SLC23A2: variants seen among roughly 807,000 people sequenced by gnomAD.
The protein encoded by SLC23A2 is solute carrier family 23 member 2, also known as Na(+)/L-ascorbic acid transporter 2.
SLC23A2 carries 36 observed loss-of-function variants against 73.3 expected under a neutral mutation model. That is an observed-to-expected ratio of 0.49 (90% CI 0.38 to 0.65). The LOEUF (loss-of-function observed/expected upper bound fraction) is 0.65. Among genes scored for constraint, SLC23A2 ranks in the 30% least tolerant of loss-of-function variants. The probability of loss-of-function intolerance (pLI) is 0.00; values close to 1 mark genes in which losing one functional copy is unlikely to be tolerated. For missense variants in SLC23A2, 507 were observed against 841.6 expected (o/e 0.60, Z 4.92); for synonymous variants, 343 against 327.3 (o/e 1.05, Z -0.52).
At chr20:4,931,661 C>T (rs1018440770) in intron 3 of SLC23A2, among the ~76,000 whole-genome samples, 1 of 151,898 alleles carries the variant, frequency 6.6e-6, no homozygotes, top group Non-Finnish European at 1.5e-5. Flanking sequence ...CCCAGCTACT[C>T]GGGAGACTGA....
chr20:4,974,197 G>A (rs2087608389), intron 1 of SLC23A2, among the ~76,000 whole-genome samples: 2 of 152,018 alleles, frequency 1.3e-5, no homozygotes, highest in African/African-American at 2.4e-5. Context: ...CCAGCCAGGC[G>A]CGGTGGTTTA....
chr20:5,003,473 T>A (rs1600223963), upstream of SLC23A2, among the ~76,000 whole-genome samples: 1 of 150,530 alleles, frequency 6.6e-6, no homozygotes, highest in East Asian at 2.0e-4. Context: ...CCCGTAACCA[T>A]CATTCTACAC....
At chr20:4,962,083 G>C (rs1764522845) in intron 2 of SLC23A2, among the ~76,000 whole-genome samples, 1 of 151,842 alleles carries the variant, frequency 6.6e-6, no homozygotes, top group African/African-American at 2.4e-5. Context: ...AAAAAGGCTG[G>C]GAATGGGATT....
intron 6 of SLC23A2, among the ~76,000 whole-genome samples, chr20:4,897,218 C>T (rs1931567990): frequency 6.6e-6 from 1 of 152,206 alleles, no homozygotes; most frequent in Non-Finnish European, 1.5e-5. Flanking sequence ...CACCCACACC[C>T]CGACAACCAT....
At chr20:4,950,805 G>T (rs2087189596) in intron 2 of SLC23A2, among the ~76,000 whole-genome samples, 1 of 152,172 alleles carries the variant, frequency 6.6e-6, no homozygotes, top group South Asian at 2.1e-4. Context: ...CATCTTAGAA[G>T]ATGGGAGTCC....
chr20:4,933,596 T>C (rs1038059398), intron 2 of SLC23A2, among the ~76,000 whole-genome samples: 9 of 152,000 alleles, frequency 5.9e-5, no homozygotes, highest in Middle Eastern at 6.8e-3. Context: ...ATCACTGCAC[T>C]CTAGCCCGGA....
intron 2 of SLC23A2, among the ~76,000 whole-genome samples, chr20:4,938,487 C>A (rs984512963): frequency 6.6e-6 from 1 of 152,016 alleles, no homozygotes; most frequent in Non-Finnish European, 1.5e-5. Flanking sequence ...TACAGGCATG[C>A]GCCACCATGC....
Position 4,894,704 on chromosome 20 carries a change from A to G in SLC23A2, c.482+4851T>C, listed in dbSNP as rs1347956830. On this transcript the variant is annotated intron_variant, in intron 6 of 16. Coordinates refer to ENST00000338244, the MANE Select transcript of SLC23A2 (RefSeq NM_005116.6). ...AAAAGTATTTACCCCAAGTTCCCCC[A>G]GGCCCTCCCTTTCGTCTGCAAAGAC... is the stretch of plus-strand genomic sequence containing the variant. Among the ~76,000 whole-genome samples the G allele has an allele frequency of 3.3e-5, 5 of 152,052 alleles. No homozygotes were observed. The East Asian group carries it at 7.8e-4, about 24-fold the overall frequency.
chr20:4,935,672 G>A (rs73612143), intron 2 of SLC23A2, among the ~76,000 whole-genome samples: 10 of 151,744 alleles, frequency 6.6e-5, no homozygotes, highest in Admixed American at 3.9e-4. Context: ...GGTGGCGGGC[G>A]CCTGTAGTCC....
intron 1 of SLC23A2, among the ~76,000 whole-genome samples, chr20:4,996,699 AAAAAAAAAAAC>A (rs1568662320): frequency 7.0e-6 from 1 of 141,870 alleles, no homozygotes; most frequent in African/African-American, 2.5e-5. Flanking sequence ...AAAAAAAAAA[AAAAAAAAAAAC>A]AACAACTCAT....
At chr20:4,992,998 G>A (rs899649728) in intron 1 of SLC23A2, among the ~76,000 whole-genome samples, 4 of 151,904 alleles carry the variant, frequency 2.6e-5, no homozygotes, top group African/African-American at 9.7e-5. Context: ...AAAATGCTCA[G>A]CCTGGCGCAG....
intron 15 of SLC23A2, among the ~76,000 whole-genome samples, chr20:4,861,316 T>C (rs1600073697): frequency 6.6e-6 from 1 of 152,208 alleles, no homozygotes; most frequent in East Asian, 1.9e-4. Flanking sequence ...TGCACAACAC[T>C]GTACTAGATG....
At chr20:4,859,517 T>G in intron 15 of SLC23A2, 133 bp from the exon 16 acceptor site, 1 of 680,678 alleles carries the variant, frequency 1.5e-6, no homozygotes, top group Non-Finnish European at 2.7e-6. Flanking sequence ...ATTTCTTAGT[T>G]GTGCACATGT....
chr20:4,982,896 G>A (rs563688861), intron 1 of SLC23A2, among the ~76,000 whole-genome samples: 1 of 151,974 alleles, frequency 6.6e-6, no homozygotes, highest in South Asian at 2.1e-4. Flanking sequence ...ACCTGAGGTC[G>A]GGAATTCGAG....
Position 4,917,167 on chromosome 20 carries a change from A to C in SLC23A2, c.109-4189T>G, listed in dbSNP as rs150189230. Among the ~76,000 whole-genome samples, 837 of 152,316 alleles carry C rather than the reference A, an allele frequency of 5.5e-3. 9 individuals carry two copies. Among genetic ancestry groups the C allele is most frequent in the African/African-American group, 0.019 (783 of 41,558 alleles). On this transcript the variant is annotated intron_variant, in intron 3 of 16. Coordinates refer to ENST00000338244, the MANE Select transcript of SLC23A2 (RefSeq NM_005116.6). ...TACACAGGAGGCAGTCAGTAGCCAC[A>C]AAGAAATGCCAAGAACAGGAGTGCC... is the stretch of plus-strand genomic sequence containing the variant.
intron 2 of SLC23A2, among the ~76,000 whole-genome samples, chr20:4,938,077 C>G (rs551382648): frequency 1.3e-5 from 2 of 149,126 alleles, no homozygotes; most frequent in South Asian, 2.1e-4. Flanking sequence ...GTTGCCCAAG[C>G]TGGAGTGCAG....
chr20:4,931,303 C>T (rs886194682), intron 3 of SLC23A2, among the ~76,000 whole-genome samples: 21 of 152,020 alleles, frequency 1.4e-4, no homozygotes, highest in African/African-American at 5.1e-4. Flanking sequence ...CTTAATTGTG[C>T]CACTGCATTC....
chr20:4,903,716 A>G (rs1383774630), intron 4 of SLC23A2, among the ~76,000 whole-genome samples: 1 of 152,192 alleles, frequency 6.6e-6, no homozygotes, highest in East Asian at 1.9e-4. Flanking sequence ...GTAACTGAAT[A>G]TGACCTTTTG....
At chr20:4,887,537 C>T (rs1931150114) in intron 6 of SLC23A2, among the ~76,000 whole-genome samples, 1 of 152,248 alleles carries the variant, frequency 6.6e-6, no homozygotes, top group Admixed American at 6.5e-5. Context: ...CTGGATCTGG[C>T]TTCCACTCTT....
Sources: allele counts gnomAD v4.1 joint callset (sites outside exome capture counted in the v4.1 genomes callset), GRCh38; gene constraint gnomAD v4.1.1; transcripts MANE v1.5; gene names NCBI Gene and HGNC (gene_info 2026-07-23, HGNC 2026-07-21).